Variants in TIAM1 observed in about 807,000 individuals in gnomAD.
TIAM1 encodes the protein TIAM Rac1 associated GEF 1.
In TIAM1, 65 loss-of-function variants were observed where a neutral mutation model predicts 163.5. The ratio of observed to expected loss-of-function variants is 0.40; its 90% CI spans 0.33 to 0.49. TIAM1 has a LOEUF of 0.49. TIAM1 is among the 20% of genes least tolerant of loss of function. The pLI, the probability that TIAM1 is intolerant of heterozygous loss-of-function variation, is 0.77. For synonymous variants in TIAM1, 833 were observed against 810.1 expected (o/e 1.03, Z -0.48); for missense variants, 1,789 against 2,044.7 (o/e 0.87, Z 2.41).
chr21:31,394,518 A>G (rs1226013722), intron 2 of TIAM1, among the ~76,000 whole-genome samples: 1 of 152,130 alleles, frequency 6.6e-6, no homozygotes, highest in African/African-American at 2.4e-5. Flanking sequence ...TGGTGATGAC[A>G]GTTGAATGTT....
At chr21:31,252,833 A>G (rs76745498) in intron 4 of TIAM1, among the ~76,000 whole-genome samples, 2,419 of 152,220 alleles carry the variant, frequency 0.016, 64 homozygotes, top group African/African-American at 0.056. Flanking sequence ...GCAGCCTCTC[A>G]CTCTGCATTG....
Position 31,225,720 on chromosome 21 carries a change from G to A in TIAM1, c.1809+6C>T, listed in dbSNP as rs758165606. On this transcript the variant is annotated splice_donor_region_variant and intron_variant, in intron 7 of 27. Transcript: ENST00000541036. ...TGTCCGGACCTAAACACGGAAGAAC[G>A]ATTACCTGATCTAATATTGTTTTCT... is the stretch of plus-strand genomic sequence containing the variant. The A allele has an allele frequency of 6.9e-6, 11 of 1,604,934 alleles. No homozygotes were observed. Among genetic ancestry groups the A allele is most frequent in the African/African-American group, 4.0e-5 (3 of 74,438 alleles).
intron 12 of TIAM1, among the ~76,000 whole-genome samples, chr21:31,197,950 C>T (rs1214182966): frequency 1.3e-5 from 2 of 151,878 alleles, no homozygotes; most frequent in East Asian, 1.9e-4. Context: ...AGGGTATGAA[C>T]GCAAAGGGAA....
chr21:31,209,020 G>C (rs1322769037), intron 11 of TIAM1, among the ~76,000 whole-genome samples: 1 of 151,596 alleles, frequency 6.6e-6, no homozygotes, highest in African/African-American at 2.4e-5. Context: ...AGATTCTTCT[G>C]AGCCTTACTG....
intron 11 of TIAM1, among the ~76,000 whole-genome samples, chr21:31,206,852 A>G (rs2146537724): frequency 6.6e-6 from 1 of 152,148 alleles, no homozygotes; most frequent in East Asian, 1.9e-4. Context: ...CTTCCATTTC[A>G]GTCAAACTTC....
intron 2 of TIAM1, among the ~76,000 whole-genome samples, chr21:31,417,170 G>C (rs2043402048): frequency 6.6e-6 from 1 of 152,108 alleles, no homozygotes; most frequent in Admixed American, 6.5e-5. Context: ...CTACAGGCAT[G>C]CGCCACCACG....
intron 22 of TIAM1, among the ~76,000 whole-genome samples, chr21:31,138,140 C>T (rs2082696730): frequency 1.3e-5 from 2 of 151,912 alleles, no homozygotes; most frequent in South Asian, 4.2e-4. Context: ...GACTGGGATG[C>T]CCGACTGAGT....
chr21:31,475,953 A>G (rs1262404082), intron 1 of TIAM1, among the ~76,000 whole-genome samples: 1 of 152,126 alleles, frequency 6.6e-6, no homozygotes, highest in Non-Finnish European at 1.5e-5. Flanking sequence ...AATGTCAAAA[A>G]CAATGCCTAA....
At chr21:31,193,040 T>C (rs1569000726) in intron 13 of TIAM1, among the ~76,000 whole-genome samples, 1 of 152,214 alleles carries the variant, frequency 6.6e-6, no homozygotes, top group East Asian at 1.9e-4. Context: ...AGCATGGATT[T>C]TCCTCACTTA....
intron 10 of TIAM1, among the ~76,000 whole-genome samples, chr21:31,210,594 G>GAAAGAAAGAAAGAAAGAAAGAA (rs745349921): frequency 4.2e-5 from 4 of 94,652 alleles, no homozygotes; most frequent in African/African-American, 2.5e-4. Context: ...AAGAAAGAAA[G>GAAAGAAAGAAAGAAAGAAAGAA]AGAGAAAGAA....
At chr21:31,152,923 G>C in intron 18 of TIAM1, 143 bp downstream of exon 18, 4 of 1,254,750 alleles carry the variant, frequency 3.2e-6, no homozygotes, top group Non-Finnish European at 3.3e-6. Flanking sequence ...GCACACCAAA[G>C]CTTAGCAGGC....
At chr21:31,364,490 G>A (rs2076466488) in intron 2 of TIAM1, among the ~76,000 whole-genome samples, 1 of 152,196 alleles carries the variant, frequency 6.6e-6, no homozygotes, top group South Asian at 2.1e-4. Context: ...TGGGTGTGGG[G>A]GAGTGGAGAA....
intron 1 of TIAM1, chr21:31,558,811 G>A (rs940665525): frequency 1.3e-5 from 2 of 152,156 alleles, no homozygotes; most frequent in African/African-American, 4.8e-5. Context: ...CCAGTGTGCG[G>A]GAGACGGGGG....
intron 20 of TIAM1, among the ~76,000 whole-genome samples, chr21:31,146,331 G>C (rs1477580441): frequency 6.7e-6 from 1 of 150,068 alleles, no homozygotes; most frequent in Non-Finnish European, 1.5e-5. Context: ...CTACTCAGGA[G>C]GCTGAGGCAG....
intron 2 of TIAM1, among the ~76,000 whole-genome samples, chr21:31,422,169 C>T (rs2043600955): frequency 6.6e-6 from 1 of 152,052 alleles, no homozygotes; most frequent in African/African-American, 2.4e-5. Flanking sequence ...GTGATGGCAG[C>T]CCTAGAAAAC....
At chr21:31,381,172 G>C (rs1040405663) in intron 2 of TIAM1, among the ~76,000 whole-genome samples, 4 of 152,186 alleles carry the variant, frequency 2.6e-5, no homozygotes, top group Non-Finnish European at 5.9e-5. Flanking sequence ...TAATAAGAAT[G>C]CTATGGACTG....
At chr21:31,467,641 A>C (rs1224221703) in intron 1 of TIAM1, among the ~76,000 whole-genome samples, 1 of 151,122 alleles carries the variant, frequency 6.6e-6, no homozygotes, top group African/African-American at 2.4e-5. Context: ...AAAAAAGAAT[A>C]AATAAATAAA....
At chr21:31,148,810 G>A (rs111633408) in intron 19 of TIAM1, among the ~76,000 whole-genome samples, 3,897 of 152,308 alleles carry the variant, frequency 0.026, 62 homozygotes, top group Non-Finnish European at 0.039. Flanking sequence ...ACTTCAGAAC[G>A]CTTCTCACAG....
At chr21:31,255,460 C>T (rs1224088121) in intron 4 of TIAM1, among the ~76,000 whole-genome samples, 1 of 152,154 alleles carries the variant, frequency 6.6e-6, no homozygotes, top group African/African-American at 2.4e-5. Flanking sequence ...TCTTTCTTTC[C>T]TTCATTGTGT....
Sources: allele counts gnomAD v4.1 joint callset (sites outside exome capture counted in the v4.1 genomes callset), GRCh38; gene constraint gnomAD v4.1.1; transcripts MANE v1.5; gene names NCBI Gene and HGNC (gene_info 2026-07-23, HGNC 2026-07-21).